Variants in ATP6V0D1 observed in about 807,000 individuals in gnomAD.
ATP6V0D1 encodes the protein ATPase H+ transporting V0 subunit d1.
A neutral mutation model predicts 39.0 loss-of-function variants in ATP6V0D1; 13 were observed. The observed-to-expected ratio is 0.33, with a 90% CI of 0.22 to 0.53. The LOEUF (loss-of-function observed/expected upper bound fraction) is 0.53. Ranked by LOEUF, ATP6V0D1 falls within the 20% of genes least tolerant of loss-of-function variation. The pLI is 0.94. For missense variants in ATP6V0D1, 272 were observed against 470.9 expected (o/e 0.58, Z 3.91); for synonymous variants, 191 against 191.2 (o/e 1.00, Z 0.01).
intron 1 of ATP6V0D1, chr16:67,457,619 T>C (rs1175459106): frequency 3.9e-6 from 5 of 1,289,480 alleles, no homozygotes; most frequent in Middle Eastern, 4.3e-4. Context: ...CAGGGACAAG[T>C]CCCTCTGGCA....
In ATP6V0D1 at chr16:67,473,436, C is replaced by T. The variant is rs542646612; in HGVS notation, c.130+7521G>A. On this transcript the variant is annotated intron_variant, in intron 1 of 7. Coordinates refer to ENST00000290949, the MANE Select transcript of ATP6V0D1 (RefSeq NM_004691.5). ...CAATCTCAGCTCATTGCAACCTCCA[C>T]CTTCCGGGTTCAAGCGATTTTCCTG... Among the ~76,000 whole-genome samples the T allele has an allele frequency of 3.9e-5, 6 of 152,200 alleles. No homozygotes were observed. In the South Asian group the frequency reaches 8.3e-4, roughly 21 times the overall value.
At chr16:67,455,474 T>C (rs1431302269) in intron 1 of ATP6V0D1, 1 of 152,190 alleles carries the variant, frequency 6.6e-6, no homozygotes, top group African/African-American at 2.4e-5. Context: ...GCCACACTCA[T>C]GACCTCTGTG....
rs1181985981 is a variant in ATP6V0D1 at position 67,444,248 on chromosome 16, C to T, written c.481+280G>A. On this transcript the variant is annotated intron_variant, in intron 3 of 7. Coordinates refer to ENST00000290949, the MANE Select transcript of ATP6V0D1 (RefSeq NM_004691.5). The surrounding 1 kb of genome is among the most constrained non-coding windows in gnomAD (Gnocchi z 4.8). ...ACTCTTCTCCATGAGCTCAGCCCTC[C>T]TCTGCACTCTGGGAGATCAGACTGC... is the stretch of plus-strand genomic sequence containing the variant. Among the ~76,000 whole-genome samples, 1 of 152,230 alleles carries T rather than the reference C, an allele frequency of 6.6e-6. No homozygotes were observed. Among genetic ancestry groups the T allele is most frequent in the Non-Finnish European group, 1.5e-5 (1 of 68,040 alleles).
Position 67,438,949 on chromosome 16 carries a change from TCCTGCCAGC to T in ATP6V0D1, c.816+13_816+21del. On this transcript the variant is annotated intron_variant, in intron 6 of 7. Transcript: ENST00000290949. ...TTGGTGACAACACATCCAACCGCTG[TCCTGCCAGC>T]CGGGGCACTCACCGGGTAGTAATCG... is the stretch of plus-strand genomic sequence containing the variant. 1 of 1,613,464 alleles carries T rather than the reference TCCTGCCAGC, an allele frequency of 6.2e-7. No individual in the cohort carries two copies. Among genetic ancestry groups the T allele is most frequent in the Middle Eastern group, 1.6e-4 (1 of 6,062 alleles).
At chr16:67,462,883 C>T (rs2041299619) in intron 1 of ATP6V0D1, among the ~76,000 whole-genome samples, 1 of 152,042 alleles carries the variant, frequency 6.6e-6, no homozygotes, top group African/African-American at 2.4e-5. Context: ...GTCTGCTGGC[C>T]TGCACCACCT....
rs768852312 is a variant in ATP6V0D1, at chr16:67,453,424, T to A, written c.302+120A>T. 174 of 1,205,672 alleles carry A rather than the reference T, an allele frequency of 1.4e-4. No individual in the cohort carries two copies. The highest frequency in any genetic ancestry group is 1.9e-4 in the Non-Finnish European group (162 of 844,604). 74.7% of individuals were successfully genotyped at this position (1,205,672 alleles called of 1,614,324 possible). ...GACACCTGGCCTGACAGAGCTGCCA[T>A]CAGCTCTGACAGCTGACACAGGCAC... is the stretch of plus-strand genomic sequence containing the variant. On this transcript the variant is annotated intron_variant, in intron 2 of 7. Transcript: ENST00000290949. The surrounding 1 kb of genome is among the most constrained non-coding windows in gnomAD (Gnocchi z 4.1).
chr16:67,477,049 G>C (rs1402166539), intron 1 of ATP6V0D1, among the ~76,000 whole-genome samples: 1 of 101,154 alleles, frequency 9.9e-6, no homozygotes, highest in East Asian at 2.7e-4. Flanking sequence ...AAAAAAAGAA[G>C]TACAAACATC....
In ATP6V0D1 at chr16:67,470,634, C is replaced by T. The variant is rs75340146; in HGVS notation, c.130+10323G>A. 3.9e-3 allele frequency among the ~76,000 whole-genome samples: 601 copies of T among 152,352 alleles called. 1 individual carries two copies. Among genetic ancestry groups the T allele is most frequent in the African/African-American group, 0.014 (583 of 41,586 alleles). The stretch of plus-strand genomic sequence containing the variant: ...GGCCTAACTGCCACCAGCCAGTGTA[C>T]TGGTGACTTCCAGGTTAATATCTTT... On this transcript the variant is annotated intron_variant, in intron 1 of 7. Coordinates refer to ENST00000290949, the MANE Select transcript of ATP6V0D1 (RefSeq NM_004691.5).
chr16:67,448,531 A>C (rs2041142558), intron 2 of ATP6V0D1, among the ~76,000 whole-genome samples: 1 of 149,930 alleles, frequency 6.7e-6, no homozygotes, highest in Non-Finnish European at 1.5e-5. Flanking sequence ...GTGGTGGCGC[A>C]CACCTGTAAT....
chr16:67,454,840 C>G (rs904166563), intron 1 of ATP6V0D1: 1 of 152,270 alleles, frequency 6.6e-6, no homozygotes, highest in Non-Finnish European at 1.5e-5. Context: ...TCCTGCCATT[C>G]CCCCATGCTC....
chr16:67,458,697 C>A (rs577130808), intron 1 of ATP6V0D1, among the ~76,000 whole-genome samples: 3 of 152,306 alleles, frequency 2.0e-5, no homozygotes, highest in African/African-American at 7.2e-5. Context: ...TCAAAAGATG[C>A]TGCTGCTCTC....
intron 1 of ATP6V0D1, among the ~76,000 whole-genome samples, chr16:67,471,842 A>G (rs2041375999): frequency 6.6e-6 from 1 of 151,056 alleles, no homozygotes; most frequent in Non-Finnish European, 1.5e-5. Flanking sequence ...GGTTCTCACT[A>G]TGTTGCCCAG....
intron 2 of ATP6V0D1, chr16:67,452,384 C>A: frequency 6.5e-7 from 1 of 1,535,628 alleles, no homozygotes; most frequent in Non-Finnish European, 8.7e-7. Context: ...CCTTTGGCTG[C>A]AGCACTTCTT....
chr16:67,455,718 C>A (rs759441969), intron 1 of ATP6V0D1: 3 of 152,184 alleles, frequency 2.0e-5, no homozygotes, highest in African/African-American at 4.8e-5. Context: ...TACCCCAGGC[C>A]GTCTGCAATG....
intron 2 of ATP6V0D1, among the ~76,000 whole-genome samples, chr16:67,446,948 G>A (rs1339410135): frequency 6.6e-6 from 1 of 152,098 alleles, no homozygotes; most frequent in Non-Finnish European, 1.5e-5. Context: ...ACACCACAAA[G>A]CAGAGGAGCT....
Position 67,481,101 on chromosome 16 carries a change from C to G in ATP6V0D1, c.-15G>C, listed in dbSNP as rs1289210270. ...AAGAACGACATGGCTGCTGCGGGAG[C>G]GGCGGGACCGGAGAACCAGGACCGG... On this transcript the variant is annotated 5_prime_UTR_variant, in exon 1 of 8. Coordinates refer to ENST00000290949, the MANE Select transcript of ATP6V0D1 (RefSeq NM_004691.5). The G allele has an allele frequency of 6.2e-7, 1 of 1,613,522 alleles. No homozygotes were observed.
chr16:67,444,390 A>G lies in ATP6V0D1; in HGVS notation c.481+138T>C. On this transcript the variant is annotated intron_variant, in intron 3 of 7. Transcript: ENST00000290949. The surrounding 1 kb of genome is among the most constrained non-coding windows in gnomAD (Gnocchi z 4.8). ...GGAGAGAATCGGAGGAGGAAGTTGA[A>G]GGGAGACAAAGGTAAGCAGCAGTGG... The G allele has an allele frequency of 1.1e-6, 1 of 878,662 alleles. No individual in the cohort carries two copies. The highest frequency in any genetic ancestry group is 1.7e-6 in the Non-Finnish European group (1 of 596,414). 54.4% of individuals were successfully genotyped at this position (878,662 alleles called of 1,614,324 possible). A position where few individuals can be genotyped will look rare whatever the true frequency, so the allele number is the denominator to read the frequency against.
Position 67,453,661 on chromosome 16 carries a change from G to A in ATP6V0D1, c.185C>T (p.Ala62Val). The A allele has an allele frequency of 6.2e-7, 1 of 1,614,140 alleles. No individual in the cohort carries two copies. Among genetic ancestry groups the A allele is most frequent in the East Asian group, 2.2e-5 (1 of 44,876 alleles). Residue 62 changes from alanine (A) to valine (V), a missense_variant, in exon 2 of 8, where the codon GCA (alanine) becomes GTA (valine). Transcript: ENST00000290949. This position sits in a 1 kb window ranked among gnomAD's most constrained non-coding sequence, Gnocchi z 4.1. ...GATGACTGACACCGTCAGAGGTGAT[G>A]CCTCGTTGGCCAGGAAGTTACCATA... Reference protein sequence around the residue: ...TDYGNFLANEASPLTVSVIDD... With the variant: ...TDYGNFLANEVSPLTVSVIDD...
Position 67,439,349 on chromosome 16 carries a change from G to A in ATP6V0D1, c.564C>T (p.Ala188=), listed in dbSNP as rs561792223. 3.1e-6 allele frequency: 5 copies of A among 1,614,032 alleles called. No individual in the cohort carries two copies. In the South Asian group the frequency reaches 5.5e-5, roughly 18 times the overall value. ...AGAACTTGTAGAAGGACTCCAGGTA[G>A]GCCTGTAGAGAGTATGGAGCTTGCT... ...IEIIRNTLYK[A]YLESFYKFCT... Residue 188 remains alanine, a splice_region_variant and synonymous_variant, in exon 5 of 8, where the codon GCC becomes GCT. Transcript: ENST00000290949.
Sources: allele counts gnomAD v4.1 joint callset (sites outside exome capture counted in the v4.1 genomes callset), GRCh38; gene constraint gnomAD v4.1.1; non-coding constraint Gnocchi (gnomAD v3.1); transcripts MANE v1.5; gene names NCBI Gene and HGNC (gene_info 2026-07-23, HGNC 2026-07-21).